The following INTS10 variants were observed in gnomAD, a reference collection of about 807,000 sequenced individuals.
INTS10 encodes the protein chromosome 8 open reading frame 35.
INTS10 carries 44 observed loss-of-function variants against 94.4 expected under a neutral mutation model. That is an observed-to-expected ratio of 0.47 (90% CI 0.37 to 0.60). INTS10 has a LOEUF of 0.60. INTS10 is among the 20% of genes least tolerant of loss of function. INTS10 has a pLI of 0.00. For missense variants in INTS10, 797 were observed against 868.7 expected (o/e 0.92, Z 1.04); for synonymous variants, 341 against 320.7 (o/e 1.06, Z -0.68).
rs748989456 is a variant in INTS10 at position 19,843,395 on chromosome 8, A to G, written c.1719+468A>G. On this transcript the variant is annotated intron_variant, in intron 14 of 16. Coordinates refer to ENST00000397977, the MANE Select transcript of INTS10 (RefSeq NM_018142.4). This position sits in a 1 kb window ranked among gnomAD's most constrained non-coding sequence, Gnocchi z 4.7. ...AAAGAACGCCAAGGCCCTTGGCTACAGGTAGAGCAGAGCCTTAGAGCAGGG... is the reference window on the plus strand; with the variant it reads ...AAAGAACGCCAAGGCCCTTGGCTACGGGTAGAGCAGAGCCTTAGAGCAGGG... Among the ~76,000 whole-genome samples, 5 of 152,214 alleles carry G rather than the reference A, an allele frequency of 3.3e-5. No individual in the cohort carries two copies. The highest frequency in any genetic ancestry group is 7.3e-5 in the Non-Finnish European group (5 of 68,028).
At chr8:19,837,998 T>C (rs1258046598) in intron 13 of INTS10, among the ~76,000 whole-genome samples, 2 of 152,044 alleles carry the variant, frequency 1.3e-5, no homozygotes, top group African/African-American at 4.8e-5. Flanking sequence ...TTTAACAACT[T>C]AGATGAAATG....
At chr8:19,826,302 G>T (rs2066785091) in intron 8 of INTS10, 124 bp from the exon 9 acceptor site, 2 of 939,370 alleles carry the variant, frequency 2.1e-6, no homozygotes, top group South Asian at 1.9e-5. Context: ...GGCTGGTTTT[G>T]AACTCCCGAG....
At chr8:19,845,505 A>G in intron 15 of INTS10, 199 bp from the exon 16 acceptor site, 1 of 584,274 alleles carries the variant, frequency 1.7e-6, no homozygotes, top group Non-Finnish European at 3.1e-6. Flanking sequence ...TCTGGGTTCA[A>G]ATATGGAGTC....
chr8:19,817,863 T>A (rs999850043), intron 1 of INTS10, among the ~76,000 whole-genome samples, 197 bp downstream of exon 1: 3 of 141,760 alleles, frequency 2.1e-5, no homozygotes, highest in Non-Finnish European at 3.0e-5. Context: ...GCCTTGCTCC[T>A]ACACCTTCCA....
intron 9 of INTS10, among the ~76,000 whole-genome samples, chr8:19,830,138 C>T (rs903015257): frequency 1.3e-5 from 2 of 151,988 alleles, no homozygotes; most frequent in Non-Finnish European, 2.9e-5. Flanking sequence ...TTAAACTTTG[C>T]TCTAAAACCA....
intron 16 of INTS10, among the ~76,000 whole-genome samples, chr8:19,850,394 C>A (rs1384322547): frequency 6.6e-6 from 1 of 152,138 alleles, no homozygotes; most frequent in Non-Finnish European, 1.5e-5. Flanking sequence ...GTGCATTTAC[C>A]CCACGGCCCT....
At chr8:19,830,720 C>T (rs539468760) in intron 10 of INTS10, among the ~76,000 whole-genome samples, 161 bp downstream of exon 10, 7 of 152,196 alleles carry the variant, frequency 4.6e-5, no homozygotes, top group East Asian at 3.9e-4. Context: ...TCACCCAGGC[C>T]GGAGTACAAT....
chr8:19,836,240 C>T (rs549578710), intron 12 of INTS10, among the ~76,000 whole-genome samples: 105 of 150,990 alleles, frequency 7.0e-4, no homozygotes, highest in Middle Eastern at 3.5e-3. Context: ...AAAAAAAGCT[C>T]CAATTCCTCC....
Position 19,842,920 on chromosome 8 carries a change from G to A in INTS10, c.1712G>A (p.Cys571Tyr). 1 of 1,601,760 alleles carries A rather than the reference G, an allele frequency of 6.2e-7. No individual in the cohort carries two copies. The highest frequency in any genetic ancestry group is 1.1e-5 in the South Asian group (1 of 90,774). The change falls in exon 14 of 17, where the codon TGT (cysteine) becomes TAT (tyrosine). Residue 571 changes from cysteine to tyrosine, a missense_variant. Cys to Tyr is a radical substitution (Grantham distance 194, BLOSUM62 -2). Transcript: ENST00000397977. The part of the protein sequence containing the change: ...MPYCLHLMLA[C>Y]FKLRAFTDNR... The stretch of plus-strand genomic sequence containing the variant: ...TACTGCCTCCATTTAATGTTAGCCT[G>A]TTTTAAGGTAAGCTTAAAGTTGATT...
In INTS10 at chr8:19,823,345, T is replaced by C. The variant is rs367886917; in HGVS notation, c.568T>C (p.Leu190=). Residue 190 remains leucine, a synonymous_variant, in exon 6 of 17, where the codon TTA becomes CTA. Transcript: ENST00000397977. ...AATAATTAACAACCATGATGTTCGA[T>C]TACCTGCCAATTTATTGTATAAGTA... ...PLIINNHDVR[L]PANLLYKYLN... 7 of 1,605,220 alleles carry C rather than the reference T, an allele frequency of 4.4e-6. No individual in the cohort carries two copies. The highest frequency in any genetic ancestry group is 5.1e-6 in the Non-Finnish European group (6 of 1,172,048).
intron 6 of INTS10, 123 bp from the exon 7 acceptor site, chr8:19,823,750 C>A: frequency 1.1e-6 from 1 of 895,586 alleles, no homozygotes; most frequent in Non-Finnish European, 1.7e-6. Flanking sequence ...TTGAGCAAAA[C>A]ATAAGTATGT....
Position 19,832,114 on chromosome 8 carries a change from G to C in INTS10, c.1377+4G>C, listed in dbSNP as rs372727115. On this transcript the variant is annotated splice_donor_region_variant and intron_variant, in intron 11 of 16. Transcript: ENST00000397977. ...CACTGATATGATCATCTATCAGGTA[G>C]AGTATTATACATATTTTAGGTACCT... 1.3e-4 allele frequency: 193 copies of C among 1,496,982 alleles called. No individual in the cohort carries two copies. Among genetic ancestry groups the C allele is most frequent in the Non-Finnish European group, 1.7e-4 (183 of 1,073,320 alleles). 92.7% of individuals were successfully genotyped at this position (1,496,982 alleles called of 1,614,324 possible).
rs773518664 is a variant in INTS10, at chr8:19,846,060, T to C, written c.1976+263T>C. 42 of 381,114 alleles carry C rather than the reference T, an allele frequency of 1.1e-4. No individual in the cohort carries two copies. Among genetic ancestry groups the C allele is most frequent in the Non-Finnish European group, 1.7e-4 (35 of 205,360 alleles). The allele number at this position is 381,114 out of a possible 1,614,324, so 23.6% of individuals were successfully genotyped here. A position where few individuals can be genotyped will look rare whatever the true frequency, so the allele number is the denominator to read the frequency against. ...AGACAAAAGTCTCATTCATGATATC[T>C]TTTACTTTCAAAAATTTATAGGGTG... is the stretch of plus-strand genomic sequence containing the variant. On this transcript the variant is annotated intron_variant, in intron 16 of 16. Coordinates refer to ENST00000397977, the MANE Select transcript of INTS10 (RefSeq NM_018142.4). This position sits in a 1 kb window ranked among gnomAD's most constrained non-coding sequence, Gnocchi z 4.2.
chr8:19,843,020 T>C lies in INTS10; in HGVS notation c.1719+93T>C. 2.2e-6 allele frequency: 2 copies of C among 899,990 alleles called. No individual in the cohort carries two copies. The highest frequency in any genetic ancestry group is 3.6e-6 in the Non-Finnish European group (2 of 552,390). The allele number at this position is 899,990 out of a possible 1,614,324, so 55.8% of individuals were successfully genotyped here. On this transcript the variant is annotated intron_variant, in intron 14 of 16. Coordinates refer to ENST00000397977, the MANE Select transcript of INTS10 (RefSeq NM_018142.4). The surrounding 1 kb of genome is among the most constrained non-coding windows in gnomAD (Gnocchi z 4.7). ...TTGAGAACCTTGCTAAGGATTGTTA[T>C]TTTAGTACTTTTGAGGGCAGGCCCA...
intron 13 of INTS10, among the ~76,000 whole-genome samples, chr8:19,838,540 C>A (rs1057112207): frequency 6.6e-6 from 1 of 152,276 alleles, no homozygotes; most frequent in East Asian, 1.9e-4. Context: ...CAATTCTACA[C>A]AAACTCTTAT....
intron 15 of INTS10, among the ~76,000 whole-genome samples, chr8:19,844,964 C>G (rs530960009): frequency 6.6e-6 from 1 of 151,806 alleles, no homozygotes; most frequent in Admixed American, 6.6e-5. Context: ...GTGGTGTGAT[C>G]ATAGCTCACT....
chr8:19,836,704 T>C (rs1479791458), intron 12 of INTS10, among the ~76,000 whole-genome samples: 1 of 152,252 alleles, frequency 6.6e-6, no homozygotes, highest in Non-Finnish European at 1.5e-5. Flanking sequence ...TTAGTTTTTC[T>C]ATGCAGTGAG....
intron 12 of INTS10, among the ~76,000 whole-genome samples, chr8:19,835,983 TGG>T (rs1387902180): frequency 6.6e-6 from 1 of 151,738 alleles, no homozygotes; most frequent in African/African-American, 2.4e-5. Context: ...CATCACACAC[TGG>T]GGCCTGTCAG....
chr8:19,822,481 G>C lies in INTS10; in HGVS notation c.484G>C (p.Glu162Gln). 2 of 1,612,174 alleles carry C rather than the reference G, an allele frequency of 1.2e-6. No homozygotes were observed. Among genetic ancestry groups the C allele is most frequent in the Non-Finnish European group, 1.7e-6 (2 of 1,178,430 alleles). ...EALLEAETIE[E>Q]QESPVNCFRK... ...ACTATTAGAGGCTGAAACTATTGAA[G>C]AACAAGAATCTCCAGTGAACTGCTT... The change falls in exon 5 of 17, where the codon GAA becomes CAA. Residue 162 changes from glutamate to glutamine, a missense_variant. Physicochemically the swap from Glu to Gln is conservative, Grantham distance 29. This residue lies in a region of INTS10 where 734 missense variants were observed against 787.8 expected (regional missense o/e 0.93). Transcript: ENST00000397977.
Sources: gnomAD v4.1 joint callset for allele counts (sites outside exome capture counted in the v4.1 genomes callset) on GRCh38, gnomAD v4.1.1 for gene constraint, gnomAD v4.1.1 regional missense constraint, Gnocchi (gnomAD v3.1) non-coding constraint, MANE v1.5 for transcripts, NCBI Gene and HGNC (gene_info 2026-07-23, HGNC 2026-07-21) for gene names.